Variants in SNX4 observed in about 807,000 individuals in gnomAD.
SNX4 encodes the protein sorting nexin 4, also known as sorting nexin-4.
In SNX4, 49 loss-of-function variants were observed where a neutral mutation model predicts 70.8. That is an observed-to-expected ratio of 0.69 (90% CI 0.55 to 0.88). SNX4 has a LOEUF of 0.88. Ranked by LOEUF, SNX4 falls within the 40% of genes least tolerant of loss-of-function variation. The pLI, the probability that SNX4 is intolerant of heterozygous loss-of-function variation, is 0.00. For missense variants in SNX4, 528 were observed against 544.8 expected (o/e 0.97, Z 0.31); for synonymous variants, 206 against 183.8 (o/e 1.12, Z -0.98).
chr3:125,505,934 A>T (rs1306204332), intron 1 of SNX4, among the ~76,000 whole-genome samples: 1 of 152,158 alleles, frequency 6.6e-6, no homozygotes, highest in Non-Finnish European at 1.5e-5. Flanking sequence ...TGTCTCTTCA[A>T]AAGAAAAAAT....
intron 1 of SNX4, among the ~76,000 whole-genome samples, chr3:125,515,664 CAAAA>C (rs3030895): frequency 1.3e-4 from 13 of 102,416 alleles, no homozygotes; most frequent in Middle Eastern, 4.8e-3. Flanking sequence ...GACTTGGCCT[CAAAA>C]AAAAAAAAAA....
intron 10 of SNX4, 53 bp from the exon 11 acceptor site, chr3:125,457,418 A>T (rs113418387): frequency 2.0e-5 from 28 of 1,366,222 alleles, no homozygotes; most frequent in Admixed American, 3.4e-5. Context: ...CATGTCAAAC[A>T]TTTTTTTCAA....
intron 5 of SNX4, among the ~76,000 whole-genome samples, chr3:125,492,221 C>T (rs558307730): frequency 2.6e-5 from 4 of 151,208 alleles, no homozygotes; most frequent in Non-Finnish European, 5.9e-5. Context: ...CCTGCTTTAT[C>T]TTCCCGCACA....
intron 13 of SNX4, among the ~76,000 whole-genome samples, chr3:125,450,213 A>G (rs1408555619): frequency 6.6e-6 from 1 of 152,248 alleles, no homozygotes; most frequent in South Asian, 2.1e-4. Context: ...CTCAACCTTT[A>G]GCACCTGCAG....
intron 9 of SNX4, among the ~76,000 whole-genome samples, chr3:125,466,652 C>A (rs758951539): frequency 2.6e-5 from 4 of 152,064 alleles, no homozygotes; most frequent in Non-Finnish European, 4.4e-5. Context: ...GGAGGCCAGG[C>A]GTGGTGGCTC....
Position 125,457,339 on chromosome 3 carries a change from A to C in SNX4, c.971T>G (p.Met324Arg). ...AGCAGCCATCTCCAAGTCATACTGC[A>C]TAAGTTCATGTTTCCTGCACACAGC... is the stretch of plus-strand genomic sequence containing the variant. ...LRAVCRKHEL[M>R]QYDLEMAAQD... The change falls in exon 11 of 14, where the codon ATG becomes AGG. Residue 324 changes from methionine (M) to arginine (R), a missense_variant. This residue lies in a region of SNX4 where 159 missense variants were observed against 172.6 expected (regional missense o/e 0.92). Coordinates refer to ENST00000251775, the MANE Select transcript of SNX4 (RefSeq NM_003794.4). The C allele has an allele frequency of 6.2e-7, 1 of 1,614,036 alleles. No homozygotes were observed. The highest frequency in any genetic ancestry group is 8.5e-7 in the Non-Finnish European group (1 of 1,179,898).
Position 125,500,799 on chromosome 3 carries a change from C to CAAAAAAAA in SNX4, c.264-2613_264-2606dup, listed in dbSNP as rs770336677. 6.8e-4 allele frequency among the ~76,000 whole-genome samples: 20 copies of CAAAAAAAA among 29,320 alleles called. 1 individual carries two copies. Among genetic ancestry groups the CAAAAAAAA allele is most frequent in the Admixed American group, 1.3e-3 (2 of 1,566 alleles). 19.2% of individuals were successfully genotyped at this position (29,320 alleles called of 152,430 possible). Reference sequence around the variant, plus strand: ...TGGGCGACAGAGCAAGACTCCGTCTCAAAAAAAAAAAAAAAAAAAAAAAAA... The same window carrying CAAAAAAAA: ...TGGGCGACAGAGCAAGACTCCGTCTCAAAAAAAAAAAAAAAAAAAAAAAAAAAAAAAAA... On this transcript the variant is annotated intron_variant, in intron 2 of 13. Coordinates refer to ENST00000251775, the MANE Select transcript of SNX4 (RefSeq NM_003794.4).
intron 8 of SNX4, among the ~76,000 whole-genome samples, chr3:125,472,423 C>G (rs1375557775): frequency 6.6e-6 from 1 of 152,140 alleles, no homozygotes; most frequent in Non-Finnish European, 1.5e-5. Context: ...CAGTGCTTCT[C>G]AAGCTGGGAT....
At chr3:125,497,240 C>T in intron 5 of SNX4, 101 bp downstream of exon 5, 1 of 657,734 alleles carries the variant, frequency 1.5e-6, no homozygotes, top group Non-Finnish European at 2.6e-6. Flanking sequence ...AGACGATTTC[C>T]AACATTCATT....
intron 1 of SNX4, among the ~76,000 whole-genome samples, chr3:125,514,548 T>C (rs955289018): frequency 6.6e-6 from 1 of 152,114 alleles, no homozygotes; most frequent in Non-Finnish European, 1.5e-5. Flanking sequence ...TGTGCCACCA[T>C]GCCTGGCTAA....
chr3:125,491,220 CTAA>C (rs1224462446), intron 5 of SNX4, among the ~76,000 whole-genome samples: 2 of 152,046 alleles, frequency 1.3e-5, no homozygotes, highest in Non-Finnish European at 2.9e-5. Context: ...GAAAAATTAG[CTAA>C]TATACATCAA....
chr3:125,499,239 C>T (rs1222282497), intron 2 of SNX4, among the ~76,000 whole-genome samples: 2 of 152,206 alleles, frequency 1.3e-5, no homozygotes, highest in African/African-American at 4.8e-5. Context: ...TTAGGAAGCA[C>T]CAGTCTTCTA....
chr3:125,508,868 T>G (rs539004673), intron 1 of SNX4, among the ~76,000 whole-genome samples: 21 of 151,406 alleles, frequency 1.4e-4, no homozygotes, highest in Non-Finnish European at 2.1e-4. Flanking sequence ...AAAACTAACT[T>G]TAAATGGTTC....
rs950387545 is a variant in SNX4, at chr3:125,469,998, G to C, written c.789-479C>G. On this transcript the variant is annotated intron_variant, in intron 8 of 13. Coordinates refer to ENST00000251775, the MANE Select transcript of SNX4 (RefSeq NM_003794.4). ...CAACTGTATAGAAACAGTAGGTGCAGAGTAAAGTTTTAATAATAATAATCA... is the reference window on the plus strand; with the variant it reads ...CAACTGTATAGAAACAGTAGGTGCACAGTAAAGTTTTAATAATAATAATCA... 3.9e-5 allele frequency among the ~76,000 whole-genome samples: 6 copies of C among 152,264 alleles called. No individual in the cohort carries two copies. In the South Asian group the frequency reaches 6.2e-4, roughly 16 times the overall value.
At chr3:125,505,185 G>C (rs560548538) in intron 1 of SNX4, among the ~76,000 whole-genome samples, 8 of 152,302 alleles carry the variant, frequency 5.3e-5, no homozygotes, top group African/African-American at 1.9e-4. Flanking sequence ...GGCCAGGCTG[G>C]TCTCAAACTC....
intron 11 of SNX4, among the ~76,000 whole-genome samples, chr3:125,456,670 A>C (rs1341516752): frequency 1.3e-5 from 2 of 151,990 alleles, no homozygotes; most frequent in East Asian, 1.9e-4. Context: ...TAATAAAAAC[A>C]ATTTTTTTGA....
Position 125,498,208 on chromosome 3 carries a change from GAAC to G in SNX4, c.264-17_264-15del, listed in dbSNP as rs770657731. On this transcript the variant is annotated splice_polypyrimidine_tract_variant and intron_variant, in intron 2 of 13. Transcript: ENST00000251775. ...TGTTCAACTGACCTGAAAAGGAACA[GAAC>G]AACACTTGTTATTTTTTATAAACAA... 3 of 1,596,940 alleles carry G rather than the reference GAAC, an allele frequency of 1.9e-6. No homozygotes were observed. The highest frequency in any genetic ancestry group is 2.3e-5 in the South Asian group (2 of 87,808).
Position 125,497,852 on chromosome 3 carries a change from G to A in SNX4, c.531C>T (p.Phe177=). The change falls in exon 4 of 14, where the codon TTC becomes TTT. Residue 177 remains phenylalanine, a synonymous_variant. Transcript: ENST00000251775. ...SHPILCRDKI[F]YLFLTQEGNW... ...AAAATACCTGTGTTAAAAACAGATAGAAGATTTTGTCTCTACAAAGGATGG... is the reference window on the plus strand; with the variant it reads ...AAAATACCTGTGTTAAAAACAGATAAAAGATTTTGTCTCTACAAAGGATGG... 3.1e-6 allele frequency: 5 copies of A among 1,605,596 alleles called. No individual in the cohort carries two copies. The African/African-American group carries it at 4.0e-5, about 13-fold the overall frequency.
At chr3:125,489,577 T>C in intron 5 of SNX4, 114 bp from the exon 6 acceptor site, 1 of 809,862 alleles carries the variant, frequency 1.2e-6, no homozygotes, top group Non-Finnish European at 2.0e-6. Flanking sequence ...TTCATATCAA[T>C]TGTTGTAAAC....
Sources: allele counts gnomAD v4.1 joint callset (sites outside exome capture counted in the v4.1 genomes callset), GRCh38; gene constraint gnomAD v4.1.1; regional missense constraint gnomAD v4.1.1; transcripts MANE v1.5; gene names NCBI Gene and HGNC (gene_info 2026-07-23, HGNC 2026-07-21).